The following PCNX2 variants were observed in gnomAD, a reference collection of about 807,000 sequenced individuals.
The protein encoded by PCNX2 is pecanex-like protein 2.
A neutral mutation model predicts 223.8 loss-of-function variants in PCNX2; 168 were observed. The ratio of observed to expected loss-of-function variants is 0.75; its 90% CI spans 0.66 to 0.85. The LOEUF is 0.85. Among genes scored for constraint, PCNX2 ranks in the 40% least tolerant of loss-of-function variants. The pLI, the probability that PCNX2 is intolerant of heterozygous loss-of-function variation, is 0.00. For missense variants in PCNX2, 2,507 were observed against 2,675.5 expected, an observed-to-expected ratio of 0.94 and a Z score of 1.39; for synonymous variants, 1,006 against 1,052.6, an observed-to-expected ratio of 0.96 and a Z score of 0.86.
chr1:233,101,607 T>C (rs1674486670), intron 21 of PCNX2, among the ~76,000 whole-genome samples: 1 of 151,874 alleles, frequency 6.6e-6, no homozygotes, highest in Non-Finnish European at 1.5e-5. Context: ...ATAAAAATAA[T>C]ATAATCAAAA....
chr1:233,288,985 T>C (rs1052015368), intron 1 of PCNX2: 2 of 1,516,392 alleles, frequency 1.3e-6, no homozygotes, highest in African/African-American at 2.7e-5. Context: ...AAATGAACCT[T>C]CATGAGCCGG....
intron 32 of PCNX2, among the ~76,000 whole-genome samples, chr1:232,989,586 ACTGT>A (rs1477670296): frequency 6.6e-6 from 1 of 152,080 alleles, no homozygotes; most frequent in Non-Finnish European, 1.5e-5. Flanking sequence ...CTGTGTTGTC[ACTGT>A]CTGATGCACG....
intron 8 of PCNX2, among the ~76,000 whole-genome samples, chr1:233,247,745 G>A (rs1659209177): frequency 6.6e-6 from 1 of 152,080 alleles, no homozygotes; most frequent in African/African-American, 2.4e-5. Flanking sequence ...AGGCGTGGGG[G>A]CGGGCACCTG....
chr1:233,018,791 G>A (rs1670774888), intron 26 of PCNX2: 1 of 985,312 alleles, frequency 1.0e-6, no homozygotes, highest in Admixed American at 6.1e-5. Context: ...GGGGCTGGAG[G>A]GCTCACAGTG....
chr1:233,288,968 T>C, intron 1 of PCNX2: 2 of 1,512,654 alleles, frequency 1.3e-6, no homozygotes, highest in Non-Finnish European at 1.8e-6. Context: ...TCTGCTGTGC[T>C]TTGTCCAAAT....
At chr1:233,288,940 C>T in intron 1 of PCNX2, 1 of 1,509,174 alleles carries the variant, frequency 6.6e-7, no homozygotes, top group South Asian at 1.1e-5. Flanking sequence ...AAAGTTTCAA[C>T]CTTGTGTTCC....
chr1:233,314,895 A>G, the PCNX2 span, among the ~76,000 whole-genome samples: 1 of 152,240 alleles, frequency 6.6e-6, no homozygotes, highest in South Asian at 2.1e-4. Flanking sequence ...AAGATTAGGA[A>G]GACTTCAAAT....
the PCNX2 span, among the ~76,000 whole-genome samples, chr1:233,315,521 C>A: frequency 1.3e-5 from 2 of 152,176 alleles, no homozygotes; most frequent in African/African-American, 4.8e-5. Context: ...TGAATAAAAT[C>A]TCAAGGTCTC....
chr1:233,236,803 T>C (rs758629662), intron 9 of PCNX2, 42 bp downstream of exon 9: 2 of 1,598,958 alleles, frequency 1.3e-6, no homozygotes, highest in Non-Finnish European at 1.7e-6. Flanking sequence ...AGATCCCCTG[T>C]TTCCAGAACA....
intron 23 of PCNX2, among the ~76,000 whole-genome samples, chr1:233,084,390 A>T (rs963043309): frequency 6.6e-6 from 1 of 152,172 alleles, no homozygotes; most frequent in Non-Finnish European, 1.5e-5. Flanking sequence ...AGCACAGTAC[A>T]CTCGCATAGA....
At chr1:233,286,608 C>T (rs900894982) in intron 1 of PCNX2, among the ~76,000 whole-genome samples, 7 of 152,044 alleles carry the variant, frequency 4.6e-5, no homozygotes, top group African/African-American at 1.7e-4. Flanking sequence ...TGGAGGTGGA[C>T]AGAGTATGCA....
chr1:233,173,219 T>C (rs1179167514), intron 17 of PCNX2, among the ~76,000 whole-genome samples: 1 of 152,022 alleles, frequency 6.6e-6, no homozygotes. Context: ...TTGCCCAGGC[T>C]GGAATGCAGT....
At chr1:233,206,936 A>T (rs751713013) in intron 13 of PCNX2, among the ~76,000 whole-genome samples, 3 of 151,964 alleles carry the variant, frequency 2.0e-5, no homozygotes, top group Non-Finnish European at 4.4e-5. Context: ...GCTTGAATCC[A>T]GGAGGTGGAG....
chr1:233,192,331 G>A (rs1277922638), intron 15 of PCNX2, among the ~76,000 whole-genome samples: 1 of 152,156 alleles, frequency 6.6e-6, no homozygotes, highest in Non-Finnish European at 1.5e-5. Flanking sequence ...GGGAAGGTCA[G>A]CCCAGTGTTG....
intron 25 of PCNX2, chr1:233,032,044 T>C (rs1165252164): frequency 2.0e-6 from 2 of 980,976 alleles, no homozygotes; most frequent in Admixed American, 6.2e-5. Context: ...ATTAATAATA[T>C]AATTTAGGAA....
rs56252838 is a variant in PCNX2 at position 233,279,784 on chromosome 1, T to C, written c.153+15542A>G. ...TAAGCTTACTGAATGCAATTTAAGA[T>C]GTCTTTGTGGCTCTTTTGCCTTTAT... On this transcript the variant is annotated intron_variant, in intron 1 of 33. Coordinates refer to ENST00000258229, the MANE Select transcript of PCNX2 (RefSeq NM_014801.4). Among the ~76,000 whole-genome samples the C allele has an allele frequency of 3.0e-3, 454 of 152,328 alleles. 3 individuals are homozygous for C. Among genetic ancestry groups the C allele is most frequent in the African/African-American group, 0.011 (437 of 41,586 alleles).
chr1:233,038,205 T>C (rs1453576868), intron 25 of PCNX2, among the ~76,000 whole-genome samples: 1 of 152,166 alleles, frequency 6.6e-6, no homozygotes, highest in Non-Finnish European at 1.5e-5. Flanking sequence ...TAAGTATACA[T>C]TGTAACTCAC....
intron 17 of PCNX2, among the ~76,000 whole-genome samples, chr1:233,174,304 A>T (rs1024186698): frequency 1.4e-5 from 2 of 146,632 alleles, no homozygotes; most frequent in African/African-American, 4.9e-5. Context: ...TAAAATAGCA[A>T]ACTATTAATA....
At chr1:233,277,614 T>A (rs1245744333) in intron 1 of PCNX2, among the ~76,000 whole-genome samples, 1 of 152,172 alleles carries the variant, frequency 6.6e-6, no homozygotes, top group Non-Finnish European at 1.5e-5. Flanking sequence ...TAAGCTGTCC[T>A]ATCTTGGCGT....
Sources: gnomAD v4.1 joint callset for allele counts (sites outside exome capture counted in the v4.1 genomes callset) on GRCh38, gnomAD v4.1.1 for gene constraint, MANE v1.5 for transcripts, NCBI Gene and HGNC (gene_info 2026-07-23, HGNC 2026-07-21) for gene names.